The following PEBP4 variants were observed in gnomAD, a reference collection of about 807,000 sequenced individuals.
PEBP4 encodes phosphatidylethanolamine binding protein 4.
In PEBP4, 22 loss-of-function variants were observed where a neutral mutation model predicts 23.9. The observed-to-expected ratio is 0.92, with a 90% confidence interval of 0.66 to 1.31. The LOEUF is 1.31. Ranked by LOEUF, PEBP4 falls within the 40% of genes most tolerant of loss-of-function variation. The pLI is 0.00. For synonymous variants in PEBP4, 112 were observed against 99.3 expected (o/e 1.13, Z -0.76); for missense variants, 324 against 281.7 (o/e 1.15, Z -1.07).
In PEBP4 at chr8:22,898,389, CCCAAAAAAAAAAA is replaced by C. The variant is rs1808634328; in HGVS notation, c.258+21782_258+21794del. Among the ~76,000 whole-genome samples the C allele has an allele frequency of 1.7e-3, 150 of 86,652 alleles. 3 individuals carry two copies. The highest frequency in any genetic ancestry group is 4.5e-3 in the African/African-American group (102 of 22,604). The allele number at this position is 86,652 out of a possible 152,430, so 56.8% of individuals were successfully genotyped here. On this transcript the variant is annotated intron_variant, in intron 3 of 6. Transcript: ENST00000256404. ...CCTGAGCGACAGAGGAAGACTCCAC[CCCAAAAAAAAAAA>C]AAAAAAAAAAAAAAAAAAAAAAAAA...
At chr8:22,879,086 C>T (rs1808188729) in intron 3 of PEBP4, among the ~76,000 whole-genome samples, 1 of 152,198 alleles carries the variant, frequency 6.6e-6, no homozygotes, top group African/African-American at 2.4e-5. Flanking sequence ...CTAATCTCAT[C>T]TCAGAGCCCA....
intron 4 of PEBP4, among the ~76,000 whole-genome samples, chr8:22,733,352 G>C (rs575752385): frequency 6.6e-6 from 1 of 152,184 alleles, no homozygotes; most frequent in African/African-American, 2.4e-5. Flanking sequence ...GGGTGTCCCC[G>C]TAGGGACAGA....
intron 3 of PEBP4, among the ~76,000 whole-genome samples, 200 bp downstream of exon 3, chr8:22,919,982 CTG>C (rs1809165550): frequency 6.6e-6 from 1 of 152,188 alleles, no homozygotes; most frequent in Non-Finnish European, 1.5e-5. Flanking sequence ...AGTTTCCAGT[CTG>C]CAGCCCTCCC....
Position 22,790,590 on chromosome 8 carries a change from C to T in PEBP4, c.357+27047G>A, listed in dbSNP as rs557940165. ...GGGGCTGGTTGGGATGATGGGATCA[C>T]GTGGGGTGGAGGGGGAAATAAAAGC... On this transcript the variant is annotated intron_variant, in intron 4 of 6. Coordinates refer to ENST00000256404, the MANE Select transcript of PEBP4 (RefSeq NM_144962.3). 2.6e-5 allele frequency among the ~76,000 whole-genome samples: 4 copies of T among 152,102 alleles called. No individual in the cohort carries two copies. The East Asian group carries it at 5.8e-4, about 22-fold the overall frequency.
At chr8:22,814,489 A>G (rs914871910) in intron 4 of PEBP4, among the ~76,000 whole-genome samples, 2 of 152,122 alleles carry the variant, frequency 1.3e-5, no homozygotes, top group African/African-American at 2.4e-5. Context: ...GGTGCCACAG[A>G]TATTTCTTGT....
chr8:22,793,746 A>C (rs188575072), intron 4 of PEBP4, among the ~76,000 whole-genome samples: 2 of 152,302 alleles, frequency 1.3e-5, no homozygotes, highest in East Asian at 3.9e-4. Flanking sequence ...TATCTAATAC[A>C]TAACACGCCC....
At chr8:22,868,898 C>A (rs1260275765) in intron 3 of PEBP4, among the ~76,000 whole-genome samples, 2 of 152,176 alleles carry the variant, frequency 1.3e-5, no homozygotes, top group Non-Finnish European at 2.9e-5. Context: ...GTGTTCAAAC[C>A]TAAGTGAGGT....
intron 3 of PEBP4, among the ~76,000 whole-genome samples, chr8:22,880,040 T>C (rs955115296): frequency 6.6e-6 from 1 of 152,154 alleles, no homozygotes; most frequent in East Asian, 1.9e-4. Context: ...GCCACATGCA[T>C]CCAAATTTGG....
chr8:22,761,395 G>T (rs751456681), intron 4 of PEBP4, among the ~76,000 whole-genome samples: 8 of 151,786 alleles, frequency 5.3e-5, no homozygotes, highest in South Asian at 4.2e-4. Context: ...GGGGAGGCTG[G>T]GGGGAGGCGG....
At chr8:22,815,318 G>A (rs923211906) in intron 4 of PEBP4, among the ~76,000 whole-genome samples, 1 of 152,192 alleles carries the variant, frequency 6.6e-6, no homozygotes, top group Non-Finnish European at 1.5e-5. Context: ...TCCCCAGACC[G>A]ACCGAGGTGG....
At chr8:22,762,370 A>G (rs1263189225) in intron 4 of PEBP4, among the ~76,000 whole-genome samples, 1 of 152,214 alleles carries the variant, frequency 6.6e-6, no homozygotes, top group Non-Finnish European at 1.5e-5. Context: ...AAAGCAACAC[A>G]GGGTGGAAAA....
chr8:22,713,257 A>C lies in PEBP4; in HGVS notation c.*113T>G. 1.4e-6 allele frequency: 2 copies of C among 1,411,772 alleles called. No individual in the cohort carries two copies. The highest frequency in any genetic ancestry group is 1.8e-6 in the Non-Finnish European group (2 of 1,081,682). 87.5% of individuals were successfully genotyped at this position (1,411,772 alleles called of 1,614,324 possible). On this transcript the variant is annotated 3_prime_UTR_variant, in exon 7 of 7. Coordinates refer to ENST00000256404, the MANE Select transcript of PEBP4 (RefSeq NM_144962.3). The stretch of plus-strand genomic sequence containing the variant: ...TAGGATACAAAGCACCAAGCCCTGG[A>C]TGATTTTTTTTTTATTTGGAAAAGA...
chr8:22,908,743 G>C (rs770956706), intron 3 of PEBP4, among the ~76,000 whole-genome samples: 1 of 152,172 alleles, frequency 6.6e-6, no homozygotes, highest in Non-Finnish European at 1.5e-5. Context: ...GGAAGCCTGA[G>C]GGGAGGGGAA....
intron 3 of PEBP4, among the ~76,000 whole-genome samples, chr8:22,826,358 G>A (rs545768343): frequency 3.9e-5 from 6 of 152,306 alleles, no homozygotes; most frequent in Admixed American, 3.3e-4. Context: ...TGCACAATAT[G>A]AGTGATGTGC....
intron 3 of PEBP4, among the ~76,000 whole-genome samples, chr8:22,881,086 G>A (rs1461663550): frequency 6.6e-6 from 1 of 152,348 alleles, no homozygotes; most frequent in East Asian, 1.9e-4. Flanking sequence ...TAAAGTGCAG[G>A]AGGGAAGAAG....
Position 22,915,454 on chromosome 8 carries a change from C to T in PEBP4, c.258+4730G>A, listed in dbSNP as rs1215575479. 3.3e-5 allele frequency among the ~76,000 whole-genome samples: 5 copies of T among 149,870 alleles called. No individual in the cohort carries two copies. In the South Asian group the frequency reaches 1.1e-3, roughly 33 times the overall value. On this transcript the variant is annotated intron_variant, in intron 3 of 6. Coordinates refer to ENST00000256404, the MANE Select transcript of PEBP4 (RefSeq NM_144962.3). ...CATCCTGGCTCCCATCTGTCCCTTG[C>T]TGGGTCCCGGCTCACTGACACCCTG...
intron 4 of PEBP4, among the ~76,000 whole-genome samples, chr8:22,776,493 G>A (rs1288628150): frequency 1.3e-5 from 2 of 151,904 alleles, no homozygotes; most frequent in South Asian, 2.1e-4. Flanking sequence ...TTACGCCATC[G>A]GTCTTGCTCT....
chr8:22,796,710 A>G (rs1283599711), intron 4 of PEBP4, among the ~76,000 whole-genome samples: 1 of 152,138 alleles, frequency 6.6e-6, no homozygotes, highest in Non-Finnish European at 1.5e-5. Flanking sequence ...AAAAAACCAC[A>G]TGTTCTCACT....
chr8:22,848,696 T>G (rs1807491308), intron 3 of PEBP4, among the ~76,000 whole-genome samples: 1 of 152,080 alleles, frequency 6.6e-6, no homozygotes, highest in Non-Finnish European at 1.5e-5. Flanking sequence ...GACACAGGAC[T>G]CTTAGTAGTA....
Sources: allele counts gnomAD v4.1 joint callset (sites outside exome capture counted in the v4.1 genomes callset), GRCh38; gene constraint gnomAD v4.1.1; transcripts MANE v1.5; gene names NCBI Gene and HGNC (gene_info 2026-07-23, HGNC 2026-07-21).